The following CDC73 variants were observed in gnomAD, a reference collection of about 807,000 sequenced individuals.
CDC73 encodes the protein parafibromin.
CDC73 carries 21 observed loss-of-function variants against 83.7 expected under a neutral mutation model. The observed-to-expected ratio is 0.25, with a 90% CI of 0.18 to 0.36. CDC73 has a LOEUF of 0.36. CDC73 is among the 10% of genes least tolerant of loss of function. The pLI is 1.00. For missense variants in CDC73, 342 were observed against 653.3 expected (o/e 0.52, Z 5.19); for synonymous variants, 224 against 212.9 (o/e 1.05, Z -0.45).
chr1:193,180,858 C>T lies in CDC73; in HGVS notation c.973-22937C>T, dbSNP rs367862139. 10 of 1,613,790 alleles carry T rather than the reference C, an allele frequency of 6.2e-6. No homozygotes were observed. The African/African-American group carries it at 1.1e-4, about 17-fold the overall frequency. ...GTGGACAGTATGTTGCAACCCAGTT[C>T]ATGCCCATTAGTGTTTTAATGGTCA... is the stretch of plus-strand genomic sequence containing the variant. On this transcript the variant is annotated intron_variant, in intron 10 of 16. Coordinates refer to ENST00000367435, the MANE Select transcript of CDC73 (RefSeq NM_024529.5).
intron 15 of CDC73, among the ~76,000 whole-genome samples, chr1:193,240,277 G>A (rs1677835983): frequency 6.6e-6 from 1 of 152,160 alleles, no homozygotes; most frequent in South Asian, 2.1e-4. Context: ...GATGGATTTA[G>A]GTTGATTCCA....
rs907169719 is a variant in CDC73 at position 193,252,357 on chromosome 1, A to G, written c.*1645A>G. On this transcript the variant is annotated 3_prime_UTR_variant, in exon 17 of 17. Coordinates refer to ENST00000367435, the MANE Select transcript of CDC73 (RefSeq NM_024529.5). ...ATTACATGTTGTGTAAACTTTCTCCATGATGAAATAGTCAAGGACCAGAAT... is the reference window on the plus strand; with the variant it reads ...ATTACATGTTGTGTAAACTTTCTCCGTGATGAAATAGTCAAGGACCAGAAT... 8.7e-6 allele frequency: 2 copies of G among 229,818 alleles called. No individual in the cohort carries two copies. The highest frequency in any genetic ancestry group is 2.2e-5 in the African/African-American group (1 of 45,214). 14.2% of individuals were successfully genotyped at this position (229,818 alleles called of 1,614,324 possible).
intron 10 of CDC73, among the ~76,000 whole-genome samples, chr1:193,182,769 T>C (rs1367004305): frequency 6.6e-6 from 1 of 152,146 alleles, no homozygotes; most frequent in African/African-American, 2.4e-5. Context: ...GTTTTTGTTG[T>C]TGTTTTTAGT....
chr1:193,224,848 G>T (rs1312400115), intron 13 of CDC73, among the ~76,000 whole-genome samples: 2 of 151,804 alleles, frequency 1.3e-5, no homozygotes, highest in East Asian at 1.9e-4. Flanking sequence ...TTGTTTTAAA[G>T]ATTTATTATG....
At chr1:193,174,713 G>C (rs1308943841) in intron 10 of CDC73, among the ~76,000 whole-genome samples, 1 of 152,092 alleles carries the variant, frequency 6.6e-6, no homozygotes, top group Non-Finnish European at 1.5e-5. Flanking sequence ...CACTGTCAGT[G>C]TTCAGGCCAG....
chr1:193,202,266 GCT>G (rs1196893085), intron 10 of CDC73, among the ~76,000 whole-genome samples: 1 of 151,968 alleles, frequency 6.6e-6, no homozygotes, highest in East Asian at 1.9e-4. Context: ...AGCCTATTAT[GCT>G]CCAGGTACTG....
chr1:193,148,673 T>C (rs1046156673), intron 8 of CDC73, among the ~76,000 whole-genome samples: 1 of 135,276 alleles, frequency 7.4e-6, no homozygotes, highest in African/African-American at 2.8e-5. Flanking sequence ...TTTGAGACAG[T>C]CTCACTCTGT....
At chr1:193,127,558 T>A (rs1251391725) in intron 2 of CDC73, among the ~76,000 whole-genome samples, 1 of 152,172 alleles carries the variant, frequency 6.6e-6, no homozygotes, top group Non-Finnish European at 1.5e-5. Context: ...TTGGATATAT[T>A]CATTTTAGTG....
At chr1:193,186,467 T>C (rs889592502) in intron 10 of CDC73, 1 of 152,602 alleles carries the variant, frequency 6.6e-6, no homozygotes, top group African/African-American at 2.4e-5. Context: ...TTCAGTTGTA[T>C]TGGAAAAGAA....
intron 3 of CDC73, among the ~76,000 whole-genome samples, chr1:193,131,268 G>A (rs757701061): frequency 6.6e-6 from 1 of 151,966 alleles, no homozygotes; most frequent in Non-Finnish European, 1.5e-5. Context: ...TTAGTAAGGG[G>A]TAGTGAGACG....
At chr1:193,225,244 T>TTATATATATATATA (rs1677545919) in intron 13 of CDC73, among the ~76,000 whole-genome samples, 2 of 45,780 alleles carry the variant, frequency 4.4e-5, no homozygotes, top group African/African-American at 1.2e-4. Flanking sequence ...TAGTATTCCA[T>TTATATATATATATA]GATATATATA....
chr1:193,245,042 T>A (rs1677929613), intron 15 of CDC73, among the ~76,000 whole-genome samples: 1 of 152,220 alleles, frequency 6.6e-6, no homozygotes, highest in Non-Finnish European at 1.5e-5. Flanking sequence ...ATTGTACATA[T>A]TTATGGGGTA....
chr1:193,128,802 A>G (rs1052635877), intron 2 of CDC73, among the ~76,000 whole-genome samples: 2 of 152,190 alleles, frequency 1.3e-5, no homozygotes, highest in Non-Finnish European at 2.9e-5. Context: ...ATTCAATATA[A>G]GGTCATTGGC....
At chr1:193,159,235 C>T (rs922765696) in intron 10 of CDC73, among the ~76,000 whole-genome samples, 1 of 152,168 alleles carries the variant, frequency 6.6e-6, no homozygotes, top group African/African-American at 2.4e-5. Context: ...CTGTTTGTTA[C>T]AGCAAATTAA....
At chr1:193,223,054 A>G (rs926745143) in intron 13 of CDC73, among the ~76,000 whole-genome samples, 16 of 152,050 alleles carry the variant, frequency 1.1e-4, no homozygotes, top group African/African-American at 3.9e-4. Context: ...GTTATTTTTC[A>G]AACCATTATC....
chr1:193,249,678 CTTTT>C, intron 15 of CDC73, 48 bp from the exon 16 acceptor site: 1 of 1,442,288 alleles, frequency 6.9e-7, no homozygotes, highest in East Asian at 2.3e-5. Flanking sequence ...AAATTTTTTT[CTTTT>C]TTTTTATTTT....
intron 13 of CDC73, among the ~76,000 whole-genome samples, chr1:193,221,448 A>G (rs1250475569): frequency 1.3e-5 from 2 of 151,442 alleles, no homozygotes; most frequent in Non-Finnish European, 1.5e-5. Flanking sequence ...ATGATTTGTG[A>G]ATTTGGTGTT....
chr1:193,130,351 A>G, intron 3 of CDC73, 108 bp downstream of exon 3: 2 of 783,550 alleles, frequency 2.6e-6, no homozygotes, highest in South Asian at 2.8e-5. Context: ...CAAAAAATTA[A>G]CCTACCTTCA....
intron 3 of CDC73, among the ~76,000 whole-genome samples, chr1:193,132,239 G>C (rs1553278471): frequency 6.6e-6 from 1 of 152,172 alleles, no homozygotes; most frequent in Non-Finnish European, 1.5e-5. Flanking sequence ...ATAATGGAAA[G>C]ATCATCATTA....
Sources: gnomAD v4.1 joint callset for allele counts (sites outside exome capture counted in the v4.1 genomes callset) on GRCh38, gnomAD v4.1.1 for gene constraint, MANE v1.5 for transcripts, NCBI Gene and HGNC (gene_info 2026-07-23, HGNC 2026-07-21) for gene names.